The following FUCA2 variants were observed in gnomAD, a reference collection of about 807,000 sequenced individuals.
The protein encoded by FUCA2 is plasma alpha-L-fucosidase.
In FUCA2, 41 loss-of-function variants were observed where a neutral mutation model predicts 52.6. The ratio of observed to expected loss-of-function variants is 0.78; its 90% CI spans 0.61 to 1.01. The LOEUF is 1.01. FUCA2 is among the 50% of genes least tolerant of loss of function. The probability of loss-of-function intolerance (pLI) is 0.00; values close to 1 mark genes in which losing one functional copy is unlikely to be tolerated. For synonymous variants in FUCA2, 211 were observed against 217.3 expected (o/e 0.97, Z 0.26); for missense variants, 507 against 569.5 (o/e 0.89, Z 1.12).
intron 5 of FUCA2, among the ~76,000 whole-genome samples, chr6:143,498,975 G>T (rs906406654): frequency 3.3e-5 from 5 of 152,184 alleles, no homozygotes; most frequent in Non-Finnish European, 7.4e-5. Flanking sequence ...GACTATAAAA[G>T]AAGGGGAAAC....
rs139851521 is a variant in FUCA2, at chr6:143,499,839, TAG to T, written c.1154+2091_1154+2092del. On this transcript the variant is annotated intron_variant, in intron 5 of 6. Coordinates refer to ENST00000002165, the MANE Select transcript of FUCA2 (RefSeq NM_032020.5). The surrounding 1 kb of genome is among the most constrained non-coding windows in gnomAD (Gnocchi z 6.0). ...CAAGAGAAAAACTGTAGCAAGGAATTAGAGATAGCAAGTGAAAACAATCCTTT... is the reference window on the plus strand; with the variant it reads ...CAAGAGAAAAACTGTAGCAAGGAATTAGATAGCAAGTGAAAACAATCCTTT... Among the ~76,000 whole-genome samples the T allele has an allele frequency of 0.013, 1,989 of 151,928 alleles. 37 individuals carry two copies. The highest frequency in any genetic ancestry group is 0.045 in the African/African-American group (1,862 of 41,382).
Position 143,507,543 on chromosome 6 carries a change from C to T in FUCA2, c.225-119G>A, listed in dbSNP as rs1780625052. On this transcript the variant is annotated intron_variant, in intron 1 of 6. Transcript: ENST00000002165. The surrounding 1 kb of genome is among the most constrained non-coding windows in gnomAD (Gnocchi z 4.5). ...GATAGGACCCAGATTCTCTTTCTCA[C>T]TTCCCCATTAGTTTGACTTGGCTTT... The T allele has an allele frequency of 2.9e-6, 2 of 701,310 alleles. No homozygotes were observed. Among genetic ancestry groups the T allele is most frequent in the Non-Finnish European group, 4.5e-6 (2 of 441,706 alleles). The allele number at this position is 701,310 out of a possible 1,614,324, so 43.4% of individuals were successfully genotyped here.
chr6:143,498,483 G>A (rs1192800045), intron 5 of FUCA2, among the ~76,000 whole-genome samples: 2 of 152,136 alleles, frequency 1.3e-5, no homozygotes, highest in East Asian at 3.9e-4. Context: ...GAGAACCATG[G>A]GAGCGCCATA....
In FUCA2 at chr6:143,502,600, G is replaced by A. The variant is rs1398089374; in HGVS notation, c.753-35C>T. On this transcript the variant is annotated intron_variant, in intron 3 of 6. Transcript: ENST00000002165. This position sits in a 1 kb window ranked among gnomAD's most constrained non-coding sequence, Gnocchi z 4.1. ...AACATACAATTTTTTAAAACAAAAGGTATAAGCTTTTTATACAAAAAGAAA... is the reference window on the plus strand; with the variant it reads ...AACATACAATTTTTTAAAACAAAAGATATAAGCTTTTTATACAAAAAGAAA... 6.5e-7 allele frequency: 1 copy of A among 1,533,192 alleles called. No homozygotes were observed. The highest frequency in any genetic ancestry group is 8.9e-7 in the Non-Finnish European group (1 of 1,122,664). 95.0% of individuals were successfully genotyped at this position (1,533,192 alleles called of 1,614,324 possible). A position where few individuals can be genotyped will look rare whatever the true frequency, so the allele number is the denominator to read the frequency against.
Position 143,507,038 on chromosome 6 carries a change from C to T in FUCA2, c.412+199G>A, listed in dbSNP as rs763952517. Reference sequence around the variant, plus strand: ...TGACCATCTTTCCTCTGTTACGTGGCGGGTATGATCCTTTCTGTATTCCTA... The same window carrying T: ...TGACCATCTTTCCTCTGTTACGTGGTGGGTATGATCCTTTCTGTATTCCTA... On this transcript the variant is annotated intron_variant, in intron 2 of 6. Coordinates refer to ENST00000002165, the MANE Select transcript of FUCA2 (RefSeq NM_032020.5). This position sits in a 1 kb window ranked among gnomAD's most constrained non-coding sequence, Gnocchi z 4.5. 1 of 508,414 alleles carries T rather than the reference C, an allele frequency of 2.0e-6. No homozygotes were observed. Among genetic ancestry groups the T allele is most frequent in the South Asian group, 3.1e-5 (1 of 32,548 alleles). The allele number at this position is 508,414 out of a possible 1,614,324, so 31.5% of individuals were successfully genotyped here.
At position 143,495,554 on chromosome 6, in the gene FUCA2, A is replaced by G; in HGVS notation, c.*153T>C. On this transcript the variant is annotated 3_prime_UTR_variant, in exon 7 of 7. Transcript: ENST00000002165. This position sits in a 1 kb window ranked among gnomAD's most constrained non-coding sequence, Gnocchi z 5.2. ...AAAATGGTTACATGGGTAATTTAAGAAAAAATTTAGTGGGAAAAAGGGAAA... is the reference window on the plus strand; with the variant it reads ...AAAATGGTTACATGGGTAATTTAAGGAAAAATTTAGTGGGAAAAAGGGAAA... The G allele has an allele frequency of 1.5e-5, 11 of 748,022 alleles. No individual in the cohort carries two copies. Among genetic ancestry groups the G allele is most frequent in the Non-Finnish European group, 2.0e-5 (10 of 499,670 alleles). 46.3% of individuals were successfully genotyped at this position (748,022 alleles called of 1,614,324 possible). A position where few individuals can be genotyped will look rare whatever the true frequency, so the allele number is the denominator to read the frequency against.
In FUCA2 at chr6:143,504,078, G is replaced by C. The variant is rs765064598; in HGVS notation, c.587C>G (p.Ser196Cys). Residue 196 changes from serine to cysteine, a missense_variant, in exon 3 of 7, where the codon TCC becomes TGC. Coordinates refer to ENST00000002165, the MANE Select transcript of FUCA2 (RefSeq NM_032020.5). This position sits in a 1 kb window ranked among gnomAD's most constrained non-coding sequence, Gnocchi z 4.4. ...WFHPLFLEDESSSFHKRQFPV... is the reference protein window; with the variant it reads ...WFHPLFLEDECSSFHKRQFPV... Reference sequence around the variant, plus strand: ...AAATTGCCGCTTATGGAATGAACTGGATTCATCCTCAAGGAAGAGCGGATG... The same window carrying C: ...AAATTGCCGCTTATGGAATGAACTGCATTCATCCTCAAGGAAGAGCGGATG... The C allele has an allele frequency of 6.2e-7, 1 of 1,614,142 alleles. No homozygotes were observed. Among genetic ancestry groups the C allele is most frequent in the South Asian group, 1.1e-5 (1 of 91,076 alleles).
Position 143,502,525 on chromosome 6 carries a change from C to T in FUCA2, c.793G>A (p.Ala265Thr), listed in dbSNP as rs1562664822. The change falls in exon 4 of 7, where the codon GCT (alanine) becomes ACT (threonine). Residue 265 changes from alanine (A) to threonine (T), a missense_variant. Transcript: ENST00000002165. The surrounding 1 kb of genome is among the most constrained non-coding windows in gnomAD (Gnocchi z 4.1). ...CCACCATGCTTACAGATGCTACCAG[C>T]TCCCCAACGATCATTGGTGACTACT... is the stretch of plus-strand genomic sequence containing the variant. ...GTVVTNDRWGAGSICKHGGFY... is the reference protein window; with the variant it reads ...GTVVTNDRWGTGSICKHGGFY... The T allele has an allele frequency of 6.2e-7, 1 of 1,614,130 alleles. No homozygotes were observed.
In FUCA2 at chr6:143,500,281, T is replaced by A. The variant is rs1780513138; in HGVS notation, c.1154+1651A>T. Among the ~76,000 whole-genome samples, 1 of 152,056 alleles carries A rather than the reference T, an allele frequency of 6.6e-6. No homozygotes were observed. The highest frequency in any genetic ancestry group is 2.1e-4 in the South Asian group (1 of 4,830). The stretch of plus-strand genomic sequence containing the variant: ...ATGATAGGATTAAAAGATAGTATGA[T>A]CACTGGATTATAGATCCCTTTGGAA... On this transcript the variant is annotated intron_variant, in intron 5 of 6. Transcript: ENST00000002165. The surrounding 1 kb of genome is among the most constrained non-coding windows in gnomAD (Gnocchi z 6.9).
rs2128423016 is a variant in FUCA2 at position 143,511,016 on chromosome 6, G to T, written c.224+395C>A. On this transcript the variant is annotated intron_variant, in intron 1 of 6. Coordinates refer to ENST00000002165, the MANE Select transcript of FUCA2 (RefSeq NM_032020.5). This position sits in a 1 kb window ranked among gnomAD's most constrained non-coding sequence, Gnocchi z 6.3. The stretch of plus-strand genomic sequence containing the variant: ...TTCATGGCAGAACGACTGTAAATTG[G>T]CAGGTAGCAGCAGAGCAACCATAGG... Among the ~76,000 whole-genome samples, 1 of 152,292 alleles carries T rather than the reference G, an allele frequency of 6.6e-6. No individual in the cohort carries two copies. The highest frequency in any genetic ancestry group is 2.1e-4 in the South Asian group (1 of 4,826).
rs74431030 is a variant in FUCA2, at chr6:143,501,279, T to A, written c.1154+653A>T. On this transcript the variant is annotated intron_variant, in intron 5 of 6. Coordinates refer to ENST00000002165, the MANE Select transcript of FUCA2 (RefSeq NM_032020.5). The surrounding 1 kb of genome is among the most constrained non-coding windows in gnomAD (Gnocchi z 6.1). Reference sequence around the variant, plus strand: ...ATAAGTCAAGTAGATTGAAGAACAATTAGTCTAATCTTTCGGTTCCTATTT... The same window carrying A: ...ATAAGTCAAGTAGATTGAAGAACAAATAGTCTAATCTTTCGGTTCCTATTT... Among the ~76,000 whole-genome samples, 1,470 of 152,340 alleles carry A rather than the reference T, an allele frequency of 9.6e-3. 21 individuals carry two copies. Among genetic ancestry groups the A allele is most frequent in the African/African-American group, 0.033 (1,388 of 41,576 alleles).
Position 143,510,409 on chromosome 6 carries a change from G to A in FUCA2, c.224+1002C>T, listed in dbSNP as rs975306567. On this transcript the variant is annotated intron_variant, in intron 1 of 6. Coordinates refer to ENST00000002165, the MANE Select transcript of FUCA2 (RefSeq NM_032020.5). The surrounding 1 kb of genome is among the most constrained non-coding windows in gnomAD (Gnocchi z 4.4). ...CCTGGAATTACAGGTATGAGCCACC[G>A]CGGATCACCTGAGGTCAGGAGTTCA... Among the ~76,000 whole-genome samples, 1 of 151,976 alleles carries A rather than the reference G, an allele frequency of 6.6e-6. No individual in the cohort carries two copies. The highest frequency in any genetic ancestry group is 1.5e-5 in the Non-Finnish European group (1 of 68,002).
At position 143,511,449 on chromosome 6, in the gene FUCA2, T is replaced by G. The variant is rs2128423077; in HGVS notation, c.186A>C (p.Gly62=). The change falls in exon 1 of 7, where the codon GGA becomes GGC. Residue 62 remains glycine, a synonymous_variant. Transcript: ENST00000002165. The surrounding 1 kb of genome is among the most constrained non-coding windows in gnomAD (Gnocchi z 6.3). ...QAKFGIFIHW[G]VFSVPSFGSE... ...TACCGAAGCTGGGCACGGAAAACAC[T>G]CCCCAGTGGATGAAGATGCCGAACT... is the stretch of plus-strand genomic sequence containing the variant. 1.2e-6 allele frequency: 2 copies of G among 1,611,480 alleles called. No homozygotes were observed. Among genetic ancestry groups the G allele is most frequent in the Non-Finnish European group, 1.7e-6 (2 of 1,178,914 alleles).
chr6:143,503,857 T>A lies in FUCA2; in HGVS notation c.752+56A>T. On this transcript the variant is annotated intron_variant, in intron 3 of 6. Coordinates refer to ENST00000002165, the MANE Select transcript of FUCA2 (RefSeq NM_032020.5). The surrounding 1 kb of genome is among the most constrained non-coding windows in gnomAD (Gnocchi z 4.8). ...TTCAAGAGGTGAAGGAATTAAAATG[T>A]TAGAAATATATTAGGAATATGGAGG... is the stretch of plus-strand genomic sequence containing the variant. The A allele has an allele frequency of 2.3e-6, 3 of 1,326,048 alleles. No homozygotes were observed. The highest frequency in any genetic ancestry group is 3.1e-6 in the Non-Finnish European group (3 of 961,752). The allele number at this position is 1,326,048 out of a possible 1,614,324, so 82.1% of individuals were successfully genotyped here. A position where few individuals can be genotyped will look rare whatever the true frequency, so the allele number is the denominator to read the frequency against.
intron 1 of FUCA2, among the ~76,000 whole-genome samples, chr6:143,508,609 T>C (rs1780643127): frequency 6.6e-6 from 1 of 152,182 alleles, no homozygotes; most frequent in African/African-American, 2.4e-5. Flanking sequence ...GAAAGCCAAC[T>C]TTGGGGACTG....
At position 143,500,674 on chromosome 6, in the gene FUCA2, G is replaced by A. The variant is rs577362189; in HGVS notation, c.1154+1258C>T. ...GTATATTGATAATGCAAAGGAACAG[G>A]TAACAAAGGTCAAGCGGACAAGACC... On this transcript the variant is annotated intron_variant, in intron 5 of 6. Transcript: ENST00000002165. The surrounding 1 kb of genome is among the most constrained non-coding windows in gnomAD (Gnocchi z 6.9). 5.3e-5 allele frequency among the ~76,000 whole-genome samples: 8 copies of A among 152,290 alleles called. No individual in the cohort carries two copies. The highest frequency in any genetic ancestry group is 6.8e-3 in the Middle Eastern group (2 of 294).
intron 5 of FUCA2, among the ~76,000 whole-genome samples, chr6:143,498,642 A>C (rs139240300): frequency 0.011 from 1,682 of 152,266 alleles, 94 homozygotes; most frequent in Admixed American, 0.096. Flanking sequence ...GGCAGATAAG[A>C]TCAGAGAGGC....
At chr6:143,498,224 T>C (rs549942763) in intron 5 of FUCA2, among the ~76,000 whole-genome samples, 123 of 152,334 alleles carry the variant, frequency 8.1e-4, no homozygotes, top group Non-Finnish European at 1.4e-3. Context: ...AAGAAATACT[T>C]ATTGAAATCT....
chr6:143,495,856 A>T lies in FUCA2; in HGVS notation c.1264-9T>A, dbSNP rs1356984703. 2 of 1,613,198 alleles carry T rather than the reference A, an allele frequency of 1.2e-6. No individual in the cohort carries two copies. On this transcript the variant is annotated splice_polypyrimidine_tract_variant and intron_variant, in intron 6 of 6. Coordinates refer to ENST00000002165, the MANE Select transcript of FUCA2 (RefSeq NM_032020.5). The surrounding 1 kb of genome is among the most constrained non-coding windows in gnomAD (Gnocchi z 5.2). ...TGGCCCAGTAGTTTCACCTGAAATT[A>T]AAAACATACATGCAAATGTCTCCAA... is the stretch of plus-strand genomic sequence containing the variant.
Sources: gnomAD v4.1 joint callset for allele counts (sites outside exome capture counted in the v4.1 genomes callset) on GRCh38, gnomAD v4.1.1 for gene constraint, Gnocchi (gnomAD v3.1) non-coding constraint, MANE v1.5 for transcripts, NCBI Gene and HGNC (gene_info 2026-07-23, HGNC 2026-07-21) for gene names.